ZNF385D: variants seen among roughly 807,000 people sequenced by gnomAD.
ZNF385D encodes zinc finger protein 659.
Under a neutral mutation model 35.8 loss-of-function variants are expected in ZNF385D, and 15 were observed. The ratio of observed to expected loss-of-function variants is 0.42; its 90% CI spans 0.28 to 0.64. The LOEUF (loss-of-function observed/expected upper bound fraction) is 0.64. Ranked by LOEUF, ZNF385D falls within the 30% of genes least tolerant of loss-of-function variation. ZNF385D has a pLI of 0.23. For synonymous variants in ZNF385D, 212 were observed against 186.8 expected, an observed-to-expected ratio of 1.13 and a Z score of -1.10; for missense variants, 474 against 494.6, an observed-to-expected ratio of 0.96 and a Z score of 0.39.
At chr3:21,434,741 T>C (rs752367272) in intron 5 of ZNF385D, among the ~76,000 whole-genome samples, 6 of 152,160 alleles carry the variant, frequency 3.9e-5, no homozygotes, top group Non-Finnish European at 7.4e-5. Context: ...AGGAGAGCTC[T>C]AAAATGAGCA....
chr3:21,971,464 C>CA (rs139604339), intron 3 of ZNF385D, among the ~76,000 whole-genome samples: 8 of 149,322 alleles, frequency 5.4e-5, no homozygotes, highest in East Asian at 2.0e-4. Context: ...AATCTCAAAT[C>CA]AAAAAAAATA....
At chr3:21,684,386 CTCTCTCTCTCTCTCTCTCCTCTCTCT>C (rs1559516574) in intron 1 of ZNF385D, among the ~76,000 whole-genome samples, 3 of 86,784 alleles carry the variant, frequency 3.5e-5, no homozygotes, top group Non-Finnish European at 6.3e-5. Flanking sequence ...CTCTCTCTCT[CTCTCTCTCTCTCTCTCTCCTCTCTCT>C]CTCTCTCTCT....
intron 3 of ZNF385D, among the ~76,000 whole-genome samples, chr3:22,080,337 G>C (rs1048253489): frequency 9.2e-5 from 14 of 152,016 alleles, no homozygotes; most frequent in South Asian, 8.3e-4. Context: ...ATGCAGCTGA[G>C]ACACTTGCTT....
intron 2 of ZNF385D, among the ~76,000 whole-genome samples, chr3:22,284,050 C>A (rs748843294): frequency 6.6e-6 from 1 of 151,928 alleles, no homozygotes. Flanking sequence ...TACGAGACAA[C>A]AAGAAAATTA....
intron 3 of ZNF385D, among the ~76,000 whole-genome samples, chr3:21,816,989 T>C (rs1422656165): frequency 6.6e-6 from 1 of 152,090 alleles, no homozygotes; most frequent in Non-Finnish European, 1.5e-5. Context: ...AACAGACATA[T>C]AGACCAATGG....
chr3:21,569,906 TGTGGG>T (rs2063276275), intron 2 of ZNF385D, among the ~76,000 whole-genome samples: 1 of 25,994 alleles, frequency 3.8e-5, no homozygotes, highest in African/African-American at 2.0e-4. Flanking sequence ...TGGGGACTGT[TGTGGG>T]GTGGGGGGGC....
At chr3:22,230,175 A>G (rs529417618) in intron 2 of ZNF385D, among the ~76,000 whole-genome samples, 2 of 152,328 alleles carry the variant, frequency 1.3e-5, no homozygotes, top group South Asian at 4.1e-4. Context: ...GCTTAAAGAA[A>G]AAGAAACTCA....
intron 1 of ZNF385D, among the ~76,000 whole-genome samples, chr3:21,737,070 A>G (rs1315544435): frequency 6.6e-6 from 1 of 152,038 alleles, no homozygotes; most frequent in Non-Finnish European, 1.5e-5. Context: ...CTCCCGAGTA[A>G]CTGGGATAAC....
At position 22,202,401 on chromosome 3, in the gene ZNF385D, T is replaced by C. The variant is rs193200116; in HGVS notation, c.107-33366A>G. Among the ~76,000 whole-genome samples the C allele has an allele frequency of 4.5e-3, 688 of 152,160 alleles. 5 individuals carry two copies. The highest frequency in any genetic ancestry group is 7.1e-3 in the Non-Finnish European group (483 of 67,982). ...GAGATCACAGAAAATACTAGCATAA[T>C]CTCCTGGTGCCATACAGGGAAGTGT... On this transcript the variant is annotated intron_variant, in intron 2 of 5. Transcript: ENST00000494108.
chr3:22,077,027 A>G (rs187337261), intron 3 of ZNF385D, among the ~76,000 whole-genome samples: 5 of 152,106 alleles, frequency 3.3e-5, no homozygotes, highest in African/African-American at 1.2e-4. Context: ...TGCTTTAAAA[A>G]TAAGTGTGAG....
At chr3:21,752,561 C>T (rs1276102532), upstream of ZNF385D, among the ~76,000 whole-genome samples, 1 of 152,040 alleles carries the variant, frequency 6.6e-6, no homozygotes, top group African/African-American at 2.4e-5. Context: ...CTGTATTCTA[C>T]CTCTGTGAAG....
intron 2 of ZNF385D, among the ~76,000 whole-genome samples, chr3:21,628,518 C>T (rs1386358586): frequency 3.3e-5 from 5 of 149,870 alleles, no homozygotes. Flanking sequence ...TTAAAAAAAT[C>T]TATAAGGTAA....
intron 3 of ZNF385D, among the ~76,000 whole-genome samples, chr3:22,116,678 G>A (rs746109785): frequency 6.6e-6 from 1 of 152,016 alleles, no homozygotes; most frequent in Non-Finnish European, 1.5e-5. Context: ...GATTTGAAGA[G>A]ATTATCAGAT....
chr3:21,814,687 T>G (rs1254763048), intron 3 of ZNF385D, among the ~76,000 whole-genome samples: 1 of 152,102 alleles, frequency 6.6e-6, no homozygotes, highest in Non-Finnish European at 1.5e-5. Context: ...ATAAAGCAAG[T>G]CCCTAGCGAC....
At chr3:22,274,799 T>TAAAA (rs1389200250) in intron 2 of ZNF385D, among the ~76,000 whole-genome samples, 37 of 142,778 alleles carry the variant, frequency 2.6e-4, no homozygotes, top group African/African-American at 8.6e-4. Context: ...TTTTTTTTTT[T>TAAAA]AAAAGTCTTC....
At chr3:22,347,522 C>CA (rs1695712491) in intron 2 of ZNF385D, among the ~76,000 whole-genome samples, 1 of 152,078 alleles carries the variant, frequency 6.6e-6, no homozygotes, top group South Asian at 2.1e-4. Context: ...TGCACAGTTT[C>CA]AAAACAATCA....
intron 3 of ZNF385D, among the ~76,000 whole-genome samples, chr3:21,810,996 G>GTA (rs557279868): frequency 0.22 from 29,575 of 132,694 alleles, 3,263 homozygotes; most frequent in Middle Eastern, 0.33. Context: ...GTGTGTGTGT[G>GTA]TGTATATATA....
chr3:21,878,855 A>G (rs1407193318), intron 3 of ZNF385D, among the ~76,000 whole-genome samples: 5 of 152,068 alleles, frequency 3.3e-5, no homozygotes, highest in Non-Finnish European at 1.5e-5. Context: ...GTTATTTATC[A>G]AGCACATTTG....
chr3:22,164,247 T>TTTTTTTTTTTTTTTTTTG (rs1348547943), intron 3 of ZNF385D, among the ~76,000 whole-genome samples: 1 of 93,464 alleles, frequency 1.1e-5, no homozygotes, highest in African/African-American at 6.0e-5. Context: ...TTTTTTTTTT[T>TTTTTTTTTTTTTTTTTTG]GAGACGGGGT....
Sources: gnomAD v4.1 joint callset for allele counts (sites outside exome capture counted in the v4.1 genomes callset) on GRCh38, gnomAD v4.1.1 for gene constraint, MANE v1.5 for transcripts, NCBI Gene and HGNC (gene_info 2026-07-23, HGNC 2026-07-21) for gene names.